SEMA5A: variants seen among roughly 807,000 people sequenced by gnomAD.
SEMA5A encodes semaphorin-5A.
In SEMA5A, 55 loss-of-function variants were observed where a neutral mutation model predicts 135.5. That is an observed-to-expected ratio of 0.41 (90% CI 0.33 to 0.51). SEMA5A has a LOEUF of 0.51. Ranked by LOEUF, SEMA5A falls within the 20% of genes least tolerant of loss-of-function variation. The pLI is 0.37. For synonymous variants in SEMA5A, 580 were observed against 546.5 expected (o/e 1.06, Z -0.85); for missense variants, 1,290 against 1,419.9 (o/e 0.91, Z 1.47).
Position 9,464,956 on chromosome 5 carries a change from C to T in SEMA5A, c.-174-27104G>A, listed in dbSNP as rs576322777. Among the ~76,000 whole-genome samples, 14 of 152,306 alleles carry T rather than the reference C, an allele frequency of 9.2e-5. No homozygotes were observed. In the South Asian group the frequency reaches 1.2e-3, roughly 14 times the overall value. ...TGCAAGCGTGTGCGGACCTGTGGCT[C>T]GTGTTTCCTAGTAATCCCCAAAAAT... On this transcript the variant is annotated intron_variant, in intron 1 of 22. Coordinates refer to ENST00000382496, the MANE Select transcript of SEMA5A (RefSeq NM_003966.3).
chr5:9,380,161 T>C (rs1233971796), intron 2 of SEMA5A, 138 bp from the exon 3 acceptor site: 1 of 564,494 alleles, frequency 1.8e-6, no homozygotes, highest in African/African-American at 1.9e-5. Flanking sequence ...TAGAGCAGCA[T>C]ATTTTTCTAG....
chr5:9,262,878 C>G (rs1258846227), intron 5 of SEMA5A, among the ~76,000 whole-genome samples: 1 of 109,482 alleles, frequency 9.1e-6, no homozygotes, highest in East Asian at 2.8e-4. Context: ...CACATGTACC[C>G]TAAAACTTAG....
chr5:9,475,820 T>G (rs1561283084), intron 1 of SEMA5A, among the ~76,000 whole-genome samples: 1 of 152,200 alleles, frequency 6.6e-6, no homozygotes, highest in Admixed American at 6.5e-5. Flanking sequence ...GTGATTTTGA[T>G]TAAAAGTGTT....
Position 9,038,624 on chromosome 5 carries a change from CTT to C in SEMA5A, c.*4271_*4272del, listed in dbSNP as rs929625248. 1.3e-5 allele frequency: 2 copies of C among 152,038 alleles called. No individual in the cohort carries two copies. The highest frequency in any genetic ancestry group is 6.5e-5 in the Admixed American group (1 of 15,268). The allele number at this position is 152,038 out of a possible 1,614,324, so 9.4% of individuals were successfully genotyped here. On this transcript the variant is annotated 3_prime_UTR_variant, in exon 23 of 23. Coordinates refer to ENST00000382496, the MANE Select transcript of SEMA5A (RefSeq NM_003966.3). ...GACAAAACGATTAGCTGAGTATAGA[CTT>C]GATATATGTTTAAGGTAAAATTCCC...
chr5:9,044,534 C>G lies in SEMA5A; in HGVS notation c.2944G>C (p.Gly982Arg). Residue 982 changes from glycine (G) to arginine (R), a missense_variant, in exon 22 of 23, where the codon GGC becomes CGC. By Grantham distance (125) the Gly-to-Arg change is moderately radical. Coordinates refer to ENST00000382496, the MANE Select transcript of SEMA5A (RefSeq NM_003966.3). ...IAVGLSSSIL[G>R]CLLTLLVYTY... ...TAGACGAGCAGGGTGAGGAGGCAGCCGAGGATGGAGCTGCTCAGCCCCACG... is the reference window on the plus strand; with the variant it reads ...TAGACGAGCAGGGTGAGGAGGCAGCGGAGGATGGAGCTGCTCAGCCCCACG... The G allele has an allele frequency of 6.2e-7, 1 of 1,613,900 alleles. No individual in the cohort carries two copies. The highest frequency in any genetic ancestry group is 8.5e-7 in the Non-Finnish European group (1 of 1,179,994).
chr5:9,470,658 T>C (rs1256442642), intron 1 of SEMA5A, among the ~76,000 whole-genome samples: 1 of 152,196 alleles, frequency 6.6e-6, no homozygotes, highest in Admixed American at 6.5e-5. Context: ...CTCCTCTGGA[T>C]GAAAGCCTTC....
At chr5:9,347,479 C>T (rs528637436) in intron 3 of SEMA5A, among the ~76,000 whole-genome samples, 2 of 152,136 alleles carry the variant, frequency 1.3e-5, no homozygotes, top group Non-Finnish European at 2.9e-5. Flanking sequence ...CCTTTTTACT[C>T]GATGAGTTCC....
At chr5:9,116,704 G>A (rs1033420371) in intron 15 of SEMA5A, among the ~76,000 whole-genome samples, 1 of 152,096 alleles carries the variant, frequency 6.6e-6, no homozygotes, top group Non-Finnish European at 1.5e-5. Flanking sequence ...AAATAAATAT[G>A]ATATACATGT....
intron 5 of SEMA5A, among the ~76,000 whole-genome samples, chr5:9,270,718 G>A (rs1377252654): frequency 6.6e-6 from 1 of 151,894 alleles, no homozygotes; most frequent in East Asian, 1.9e-4. Context: ...GGCAGGGGGA[G>A]GAGGGTTTCC....
chr5:9,109,389 G>A (rs1275293387), intron 15 of SEMA5A, among the ~76,000 whole-genome samples: 1 of 152,114 alleles, frequency 6.6e-6, no homozygotes, highest in Non-Finnish European at 1.5e-5. Flanking sequence ...AGTGAGGAAA[G>A]TAAACAAACA....
At chr5:9,386,242 A>G (rs887696731) in intron 2 of SEMA5A, among the ~76,000 whole-genome samples, 14 of 152,328 alleles carry the variant, frequency 9.2e-5, no homozygotes, top group African/African-American at 3.1e-4. Context: ...TCATTCCAGC[A>G]AACAAACCAA....
chr5:9,283,982 A>T (rs908546906), intron 5 of SEMA5A, among the ~76,000 whole-genome samples: 40 of 147,688 alleles, frequency 2.7e-4, no homozygotes, highest in Non-Finnish European at 4.3e-4. Flanking sequence ...TTACTAAAAA[A>T]TAGATAGATA....
intron 15 of SEMA5A, among the ~76,000 whole-genome samples, chr5:9,115,702 T>G (rs1740472947): frequency 6.6e-6 from 1 of 152,056 alleles, no homozygotes. Flanking sequence ...ATTCAGCATG[T>G]GAGGGGTAGG....
chr5:9,272,536 T>C (rs1750030081), intron 5 of SEMA5A, among the ~76,000 whole-genome samples: 1 of 152,128 alleles, frequency 6.6e-6, no homozygotes, highest in Admixed American at 6.5e-5. Context: ...CCTCCTTAAG[T>C]GGGTCCCTGA....
chr5:9,447,158 G>T (rs1758462664), intron 1 of SEMA5A, among the ~76,000 whole-genome samples: 1 of 152,220 alleles, frequency 6.6e-6, no homozygotes, highest in Non-Finnish European at 1.5e-5. Flanking sequence ...ACTCAGAAAA[G>T]AGAAATGAAA....
chr5:9,163,826 T>C (rs1579518606), intron 11 of SEMA5A, among the ~76,000 whole-genome samples: 1 of 151,862 alleles, frequency 6.6e-6, no homozygotes, highest in Admixed American at 6.6e-5. Context: ...CAGCCATCTG[T>C]AAGCCAGGAG....
At chr5:9,139,745 T>C (rs1262982528) in intron 12 of SEMA5A, among the ~76,000 whole-genome samples, 5 of 152,248 alleles carry the variant, frequency 3.3e-5, no homozygotes, top group Admixed American at 1.3e-4. Context: ...GTAAAACTTA[T>C]GAACACTTTT....
intron 5 of SEMA5A, among the ~76,000 whole-genome samples, chr5:9,274,193 A>G (rs1423812458): frequency 6.6e-6 from 1 of 152,292 alleles, no homozygotes; most frequent in East Asian, 1.9e-4. Context: ...TTGCAATGCT[A>G]GTCTCTGATA....
chr5:9,347,107 GA>G (rs1753911189), intron 3 of SEMA5A, among the ~76,000 whole-genome samples: 1 of 151,914 alleles, frequency 6.6e-6, no homozygotes, highest in African/African-American at 2.4e-5. Flanking sequence ...TTCGTATCAC[GA>G]AAAAAGACCC....
Sources: gnomAD v4.1 joint callset for allele counts (sites outside exome capture counted in the v4.1 genomes callset) on GRCh38, gnomAD v4.1.1 for gene constraint, MANE v1.5 for transcripts, NCBI Gene and HGNC (gene_info 2026-07-23, HGNC 2026-07-21) for gene names.